Variants in MEIKIN observed in about 807,000 individuals in gnomAD.
MEIKIN encodes the protein meiosis-specific kinetochore protein.
At chr5:131,885,358 AG>A (rs1314054818) in intron 8 of MEIKIN, among the ~76,000 whole-genome samples, 9 of 17,578 alleles carry the variant, frequency 5.1e-4, no homozygotes, top group Non-Finnish European at 1.3e-3. Flanking sequence ...AGAGAGAGAG[AG>A]AGAGAGAGAG....
chr5:131,859,530 T>C (rs1214952411), intron 9 of MEIKIN, among the ~76,000 whole-genome samples: 2 of 152,216 alleles, frequency 1.3e-5, no homozygotes, highest in African/African-American at 4.8e-5. Flanking sequence ...CTTTCTCTTT[T>C]GTTCCTGCTT....
intron 12 of MEIKIN, among the ~76,000 whole-genome samples, chr5:131,808,518 A>C (rs1772890046): frequency 1.3e-5 from 2 of 152,176 alleles, no homozygotes; most frequent in African/African-American, 4.8e-5. Flanking sequence ...TATACCAATA[A>C]AAAATTTCTA....
At position 131,902,986 on chromosome 5, in the gene MEIKIN, C is replaced by T. The variant is rs188550123; in HGVS notation, c.703+8829G>A. Among the ~76,000 whole-genome samples, 168 of 152,270 alleles carry T rather than the reference C, an allele frequency of 1.1e-3. 1 individual carries two copies. The highest frequency in any genetic ancestry group is 1.8e-3 in the Admixed American group (28 of 15,298). ...ACTGATGCAACAGAGCTAAAAAATA[C>T]ACTCTGAGAATTTCATAATGCAATC... On this transcript the variant is annotated intron_variant, in intron 8 of 12. Coordinates refer to ENST00000442687, the MANE Select transcript of MEIKIN (RefSeq NM_001303622.2).
intron 9 of MEIKIN, among the ~76,000 whole-genome samples, chr5:131,855,795 A>C (rs1179283985): frequency 1.3e-5 from 2 of 152,342 alleles, no homozygotes; most frequent in East Asian, 3.9e-4. Context: ...ACAGAGCTTG[A>C]GACTGCAAGA....
chr5:131,842,239 A>G (rs756264885), intron 11 of MEIKIN, among the ~76,000 whole-genome samples: 17 of 152,330 alleles, frequency 1.1e-4, no homozygotes, highest in Non-Finnish European at 1.6e-4. Flanking sequence ...TGCTGGGATT[A>G]CAGGTGTGAG....
At chr5:131,915,554 A>G (rs866039346) in intron 7 of MEIKIN, among the ~76,000 whole-genome samples, 88 of 152,204 alleles carry the variant, frequency 5.8e-4, no homozygotes, top group African/African-American at 2.1e-3. Flanking sequence ...AGGGTACTCT[A>G]TTAAGAATTA....
At chr5:131,811,985 A>T (rs1772965798) in intron 12 of MEIKIN, among the ~76,000 whole-genome samples, 1 of 152,214 alleles carries the variant, frequency 6.6e-6, no homozygotes. Context: ...ATACCTGTGT[A>T]AACAGCACTG....
Position 131,838,199 on chromosome 5 carries a change from A to G in MEIKIN, c.975+13065T>C, listed in dbSNP as rs551430521. On this transcript the variant is annotated intron_variant, in intron 11 of 12. Coordinates refer to ENST00000442687, the MANE Select transcript of MEIKIN (RefSeq NM_001303622.2). ...ACTCAACTTTGCATCCCAGGGATAA[A>G]GCCTACTTAATTGTGGTGAATTAGC... 1.4e-4 allele frequency among the ~76,000 whole-genome samples: 21 copies of G among 152,302 alleles called. No individual in the cohort carries two copies. In the South Asian group the frequency reaches 2.7e-3, roughly 20 times the overall value.
intron 11 of MEIKIN, among the ~76,000 whole-genome samples, chr5:131,842,137 T>G (rs985657972): frequency 6.6e-6 from 1 of 152,042 alleles, no homozygotes; most frequent in Non-Finnish European, 1.5e-5. Context: ...CAACTAATTT[T>G]TGTATTTTTA....
intron 5 of MEIKIN, among the ~76,000 whole-genome samples, chr5:131,933,211 A>AT (rs2149652589): frequency 6.6e-6 from 1 of 152,386 alleles, no homozygotes; most frequent in Admixed American, 6.5e-5. Flanking sequence ...GAAAAAAAAG[A>AT]TAACACATGG....
intron 12 of MEIKIN, among the ~76,000 whole-genome samples, chr5:131,811,689 C>T (rs1461029272): frequency 6.6e-6 from 1 of 152,094 alleles, no homozygotes; most frequent in Non-Finnish European, 1.5e-5. Context: ...TCACTGCCAG[C>T]TCTGCCTCCC....
intron 8 of MEIKIN, among the ~76,000 whole-genome samples, chr5:131,884,147 T>G (rs1750738823): frequency 7.2e-6 from 1 of 138,652 alleles, no homozygotes; most frequent in South Asian, 2.7e-4. Flanking sequence ...GCCAGTGGAC[T>G]TGGGGTGGGC....
chr5:131,929,028 G>A (rs1165663315), intron 5 of MEIKIN, among the ~76,000 whole-genome samples: 2 of 152,138 alleles, frequency 1.3e-5, no homozygotes, highest in African/African-American at 4.8e-5. Flanking sequence ...GTTTGTCTGG[G>A]AAACTCCTTG....
chr5:131,921,036 C>T (rs1003958410), intron 6 of MEIKIN, among the ~76,000 whole-genome samples: 1 of 152,032 alleles, frequency 6.6e-6, no homozygotes, highest in Non-Finnish European at 1.5e-5. Context: ...AACATCAAGA[C>T]AAATCCCAAC....
At chr5:131,852,162 T>C (rs915494242) in intron 10 of MEIKIN, among the ~76,000 whole-genome samples, 17 of 152,204 alleles carry the variant, frequency 1.1e-4, no homozygotes, top group Admixed American at 3.9e-4. Context: ...GTAATCCCCA[T>C]AATCCCCATA....
chr5:131,848,802 T>C (rs1750061501), intron 11 of MEIKIN, among the ~76,000 whole-genome samples: 1 of 152,166 alleles, frequency 6.6e-6, no homozygotes, highest in Non-Finnish European at 1.5e-5. Context: ...TTCAGCAGCA[T>C]ATTAAAATTA....
chr5:131,809,311 C>T (rs544908116), intron 12 of MEIKIN, among the ~76,000 whole-genome samples: 1 of 152,168 alleles, frequency 6.6e-6, no homozygotes, highest in Non-Finnish European at 1.5e-5. Context: ...AAAAGGCCTC[C>T]ACGATGGCAA....
chr5:131,914,762 C>T (rs1561753862), intron 7 of MEIKIN, among the ~76,000 whole-genome samples: 1 of 152,140 alleles, frequency 6.6e-6, no homozygotes, highest in East Asian at 1.9e-4. Flanking sequence ...CCACACCTTC[C>T]AGTCTAGAGC....
At chr5:131,870,659 C>T (rs987271698) in intron 9 of MEIKIN, among the ~76,000 whole-genome samples, 2 of 152,138 alleles carry the variant, frequency 1.3e-5, no homozygotes, top group African/African-American at 2.4e-5. Flanking sequence ...ATGCTCAAAA[C>T]GGAAACCCAG....
Sources: allele counts gnomAD v4.1 joint callset (sites outside exome capture counted in the v4.1 genomes callset), GRCh38; gene constraint gnomAD v4.1.1; transcripts MANE v1.5; gene names NCBI Gene and HGNC (gene_info 2026-07-23, HGNC 2026-07-21).